The following RAD54B variants were observed in gnomAD, a reference collection of about 807,000 sequenced individuals.
RAD54B encodes DNA repair and recombination protein RAD54B.
Under a neutral mutation model 95.8 loss-of-function variants are expected in RAD54B, and 78 were observed. That is an observed-to-expected ratio of 0.81 (90% CI 0.68 to 0.98). RAD54B has a LOEUF of 0.98. RAD54B is among the 50% of genes least tolerant of loss of function. The probability of loss-of-function intolerance (pLI) is 0.00; values close to 1 mark genes in which losing one functional copy is unlikely to be tolerated. For synonymous variants in RAD54B, 328 were observed against 354.9 expected (o/e 0.92, Z 0.85); for missense variants, 957 against 1,056.6 (o/e 0.91, Z 1.31).
chr8:94,451,396 G>A (rs1353978369), intron 3 of RAD54B, among the ~76,000 whole-genome samples: 1 of 152,110 alleles, frequency 6.6e-6, no homozygotes. Flanking sequence ...AATAAATGGG[G>A]GAGAAGGGAA....
rs541423159 is a variant in RAD54B, at chr8:94,427,697, A to C, written c.305-16382T>G. On this transcript the variant is annotated intron_variant, in intron 3 of 14. Transcript: ENST00000336148. ...GAATTATTTGTCTTAACGGCACACA[A>C]AAAAAGTACACAAATCAGTACAAAG... 166 of 982,976 alleles carry C rather than the reference A, an allele frequency of 1.7e-4. No individual in the cohort carries two copies. The African/African-American group carries it at 2.8e-3, about 17-fold the overall frequency. The allele number at this position is 982,976 out of a possible 1,614,324, so 60.9% of individuals were successfully genotyped here.
intron 11 of RAD54B, among the ~76,000 whole-genome samples, chr8:94,385,835 C>A (rs1810877102): frequency 1.3e-5 from 2 of 152,176 alleles, no homozygotes; most frequent in Non-Finnish European, 2.9e-5. Flanking sequence ...AAGAGCAGAG[C>A]AGAAGTGGGG....
intron 3 of RAD54B, among the ~76,000 whole-genome samples, chr8:94,455,296 A>G (rs756994887): frequency 2.0e-5 from 3 of 152,198 alleles, no homozygotes; most frequent in African/African-American, 4.8e-5. Context: ...CTCTGAAGCC[A>G]AAGACAGCCA....
intron 3 of RAD54B, among the ~76,000 whole-genome samples, chr8:94,437,168 T>A (rs1413713207): frequency 6.6e-6 from 1 of 152,210 alleles, no homozygotes; most frequent in Non-Finnish European, 1.5e-5. Context: ...CACAAAGGTC[T>A]AGAGATAAGC....
rs1326461608 is a variant in RAD54B at position 94,436,681 on chromosome 8, C to T, written c.304+21587G>A. Reference sequence around the variant, plus strand: ...AAGGGTGCGTAGGCCCTGTGCTGTTCGAGGAGGGCGGTCTACTCCAATTGC... The same window carrying T: ...AAGGGTGCGTAGGCCCTGTGCTGTTTGAGGAGGGCGGTCTACTCCAATTGC... On this transcript the variant is annotated intron_variant, in intron 3 of 14. Transcript: ENST00000336148. The T allele has an allele frequency of 2.6e-6, 4 of 1,550,482 alleles. No homozygotes were observed. In the Admixed American group the frequency reaches 5.9e-5, roughly 23 times the overall value.
chr8:94,432,003 T>C, intron 3 of RAD54B: 1 of 1,311,908 alleles, frequency 7.6e-7, no homozygotes, highest in Non-Finnish European at 9.7e-7. Flanking sequence ...AAATTATATC[T>C]AAAAAGTTTT....
Position 94,426,116 on chromosome 8 carries a change from C to G in RAD54B, c.305-14801G>C, listed in dbSNP as rs907859244. Among the ~76,000 whole-genome samples the G allele has an allele frequency of 7.2e-5, 11 of 152,018 alleles. 1 individual carries two copies. The highest frequency in any genetic ancestry group is 1.9e-4 in the East Asian group (1 of 5,186). On this transcript the variant is annotated intron_variant, in intron 3 of 14. Transcript: ENST00000336148. ...TACAGGTGCCTGCCACCACGCCCAG[C>G]TGATTTTTGTATTTTTAGTAGAGAC...
intron 11 of RAD54B, among the ~76,000 whole-genome samples, chr8:94,381,523 CAGA>C (rs1469693559): frequency 6.6e-6 from 1 of 151,792 alleles, no homozygotes; most frequent in Non-Finnish European, 1.5e-5. Flanking sequence ...TGAAAAAAAA[CAGA>C]AGAAAACTTT....
intron 14 of RAD54B, among the ~76,000 whole-genome samples, chr8:94,377,199 C>T (rs1489023897): frequency 6.6e-6 from 1 of 152,098 alleles, no homozygotes; most frequent in Non-Finnish European, 1.5e-5. Flanking sequence ...CAGGATTATT[C>T]TGTCAACTGT....
intron 3 of RAD54B, among the ~76,000 whole-genome samples, chr8:94,438,514 C>T (rs982878060): frequency 6.6e-6 from 1 of 152,122 alleles, no homozygotes; most frequent in Non-Finnish European, 1.5e-5. Context: ...ATCATTCTAG[C>T]ATTTTCTGAG....
chr8:94,470,289 C>T (rs1395669942), intron 1 of RAD54B, among the ~76,000 whole-genome samples: 6 of 151,660 alleles, frequency 4.0e-5, no homozygotes, highest in African/African-American at 9.7e-5. Flanking sequence ...GGTGAAACCC[C>T]GTCTCTACTA....
At chr8:94,419,380 C>T (rs1239925315) in intron 3 of RAD54B, among the ~76,000 whole-genome samples, 2 of 152,022 alleles carry the variant, frequency 1.3e-5, no homozygotes, top group South Asian at 2.1e-4. Context: ...TGGTGGCAGG[C>T]ACCTGCAATC....
intron 1 of RAD54B, among the ~76,000 whole-genome samples, chr8:94,474,348 C>T (rs749594222): frequency 7.2e-5 from 11 of 152,076 alleles, no homozygotes; most frequent in Non-Finnish European, 1.3e-4. Flanking sequence ...ACATGTACCC[C>T]CAAATCTAAA....
At position 94,467,533 on chromosome 8, in the gene RAD54B, G is replaced by A. The variant is rs145900595; in HGVS notation, c.7C>T (p.Arg3Ter). The A allele has an allele frequency of 6.1e-5, 98 of 1,611,912 alleles. No individual in the cohort carries two copies. The highest frequency in any genetic ancestry group is 4.0e-4 in the African/African-American group (30 of 74,924). MR[R>*]SAAPSQLQGN... Reference sequence around the variant, plus strand: ...TGCAACTGACTTGGTGCTGCAGATCGTCTCATATTCAGCAGTCGTGACCTG... The same window carrying A: ...TGCAACTGACTTGGTGCTGCAGATCATCTCATATTCAGCAGTCGTGACCTG... The change falls in exon 2 of 15, where the codon CGA (arginine) becomes TGA (stop). Residue 3 changes from arginine to a stop codon, truncating the protein, a stop_gained. Transcript: ENST00000336148. LOFTEE classifies it high-confidence loss of function.
chr8:94,436,900 A>G (rs1438864743), intron 3 of RAD54B: 2 of 1,488,820 alleles, frequency 1.3e-6, no homozygotes, highest in Non-Finnish European at 1.8e-6. Context: ...GCAGTTTCTG[A>G]AACCACCATG....
intron 3 of RAD54B, among the ~76,000 whole-genome samples, chr8:94,456,044 G>A (rs1269306866): frequency 2.6e-5 from 4 of 152,114 alleles, no homozygotes; most frequent in African/African-American, 9.7e-5. Context: ...AAAGCCCAGG[G>A]TCAAAAGTAC....
chr8:94,432,742 T>C lies in RAD54B; in HGVS notation c.305-21427A>G, dbSNP rs1253170517. 4.4e-6 allele frequency: 6 copies of C among 1,356,614 alleles called. No individual in the cohort carries two copies. In the East Asian group the frequency reaches 1.6e-4, roughly 35 times the overall value. 84.0% of individuals were successfully genotyped at this position (1,356,614 alleles called of 1,614,324 possible). ...TAGCATAATTTTAATTTAATGTACA[T>C]TAAATGATAAAGCTTTAAAACTATA... On this transcript the variant is annotated intron_variant, in intron 3 of 14. Coordinates refer to ENST00000336148, the MANE Select transcript of RAD54B (RefSeq NM_012415.3).
At chr8:94,450,210 T>G (rs1812621826) in intron 3 of RAD54B, among the ~76,000 whole-genome samples, 1 of 152,208 alleles carries the variant, frequency 6.6e-6, no homozygotes, top group Non-Finnish European at 1.5e-5. Context: ...GGTTGTTATA[T>G]AAGGAAGTAA....
intron 3 of RAD54B, among the ~76,000 whole-genome samples, chr8:94,449,680 T>C (rs1435767960): frequency 1.3e-5 from 2 of 150,320 alleles, no homozygotes; most frequent in African/African-American, 2.5e-5. Context: ...CTCCTAGAAA[T>C]AGCCCTGGAT....
Sources: gnomAD v4.1 joint callset for allele counts (sites outside exome capture counted in the v4.1 genomes callset) on GRCh38, gnomAD v4.1.1 for gene constraint, MANE v1.5 for transcripts, NCBI Gene and HGNC (gene_info 2026-07-23, HGNC 2026-07-21) for gene names.